ABCA9: variants seen among roughly 807,000 people sequenced by gnomAD.
The protein encoded by ABCA9 is ATP-binding cassette sub-family A member 9.
A neutral mutation model predicts 205.3 loss-of-function variants in ABCA9; 183 were observed. The observed-to-expected ratio is 0.89, with a 90% CI of 0.79 to 1.01. The LOEUF is 1.01. Among genes scored for constraint, ABCA9 ranks in the 50% least tolerant of loss-of-function variants. ABCA9 has a pLI of 0.00. For synonymous variants in ABCA9, 651 were observed against 683.3 expected (o/e 0.95, Z 0.74); for missense variants, 1,805 against 1,912.4 (o/e 0.94, Z 1.05).
At chr17:69,071,500 G>A in the ABCA9 span, among the ~76,000 whole-genome samples, 1 of 152,186 alleles carries the variant, frequency 6.6e-6, no homozygotes, top group Non-Finnish European at 1.5e-5. Context: ...CAGAAGAGGG[G>A]CCTGACTGTT....
chr17:69,046,875 CTA>C (rs71144650), intron 3 of ABCA9, among the ~76,000 whole-genome samples: 9,673 of 126,304 alleles, frequency 0.077, 328 homozygotes, highest in East Asian at 0.11. Flanking sequence ...CGATTTTATA[CTA>C]TATATATATA....
rs1328052118 is a variant in ABCA9 at position 69,027,633 on chromosome 17, C to T, written c.1791+7G>A. The T allele has an allele frequency of 8.7e-6, 14 of 1,612,368 alleles. No individual in the cohort carries two copies. Among genetic ancestry groups the T allele is most frequent in the Non-Finnish European group, 1.1e-5 (13 of 1,179,540 alleles). On this transcript the variant is annotated splice_region_variant and intron_variant, in intron 13 of 38. Transcript: ENST00000340001. ...ATGGCTATGTGACATCTAATATGCT[C>T]ACATACCTCTTTCTCCACTTCATGT...
intron 32 of ABCA9, 87 bp from the exon 33 acceptor site, chr17:68,985,215 G>C: frequency 6.4e-7 from 1 of 1,570,586 alleles, no homozygotes; most frequent in East Asian, 2.2e-5. Flanking sequence ...CACGACGGTG[G>C]GGGAGGTGTT....
At chr17:69,049,631 G>T (rs959903651) in intron 2 of ABCA9, 141 bp from the exon 3 acceptor site, 5 of 697,326 alleles carry the variant, frequency 7.2e-6, no homozygotes, top group Non-Finnish European at 1.1e-5. Context: ...TAAATATCCT[G>T]ATTTTCTTTG....
chr17:69,057,055 T>C (rs550202177), intron 1 of ABCA9, among the ~76,000 whole-genome samples: 14 of 152,344 alleles, frequency 9.2e-5, no homozygotes, highest in Non-Finnish European at 5.9e-5. Context: ...TGGTGTATTA[T>C]AGACAAACTT....
At chr17:69,016,445 A>T in intron 21 of ABCA9, 55 bp from the exon 22 acceptor site, 1 of 1,453,516 alleles carries the variant, frequency 6.9e-7, no homozygotes, top group Non-Finnish European at 9.2e-7. Context: ...ACAAAATTTA[A>T]TGAGTGAACA....
chr17:69,035,176 G>C, intron 8 of ABCA9, 70 bp downstream of exon 8: 1 of 1,256,814 alleles, frequency 8.0e-7, no homozygotes, highest in Non-Finnish European at 1.1e-6. Flanking sequence ...AGAGCATGTT[G>C]TGTGAATTAT....
intron 25 of ABCA9, among the ~76,000 whole-genome samples, chr17:69,005,341 T>A (rs1342673681): frequency 6.6e-6 from 1 of 152,126 alleles, no homozygotes; most frequent in East Asian, 1.9e-4. Context: ...GTGAATCTCA[T>A]TGTCAAGGGG....
chr17:68,996,850 AG>A (rs1375697503), intron 25 of ABCA9, among the ~76,000 whole-genome samples: 1 of 152,138 alleles, frequency 6.6e-6, no homozygotes, highest in Non-Finnish European at 1.5e-5. Flanking sequence ...TGACTTATAT[AG>A]TTTTCTTCCT....
chr17:69,021,798 G>A lies in ABCA9; in HGVS notation c.2345C>T (p.Thr782Ile). The change falls in exon 18 of 39, where the codon ACA becomes ATA. Residue 782 changes from threonine (T) to isoleucine (I), a missense_variant. By Grantham distance (89) the Thr-to-Ile change is moderately conservative (BLOSUM62 -1). Coordinates refer to ENST00000340001, the MANE Select transcript of ABCA9 (RefSeq NM_080283.4). The part of the protein sequence containing the change: ...QGIEDYGVSI[T>I]TLNEVFLKLE... ...TTTCAGAAACACCTCATTCAAAGTT[G>A]TTATGGAAACACCATAATCCTCAAT... 6.3e-7 allele frequency: 1 copy of A among 1,593,220 alleles called. No homozygotes were observed. The highest frequency in any genetic ancestry group is 8.6e-7 in the Non-Finnish European group (1 of 1,169,124).
intron 31 of ABCA9, among the ~76,000 whole-genome samples, chr17:68,987,578 C>A (rs545496196): frequency 6.6e-6 from 1 of 152,270 alleles, no homozygotes; most frequent in Non-Finnish European, 1.5e-5. Flanking sequence ...ACAGGAAGAT[C>A]AAACCCAAAG....
chr17:69,018,452 G>A lies in ABCA9; in HGVS notation c.2728C>T (p.Gln910Ter). 1.9e-6 allele frequency: 3 copies of A among 1,603,990 alleles called. No individual in the cohort carries two copies. The highest frequency in any genetic ancestry group is 2.5e-6 in the Non-Finnish European group (3 of 1,176,772). ...ACCAGTAAATGGGTCAGAGGATCCT[G>A]TGGTTGTTGTCCTGGTGAGAGGAAG... ...TYFLSPGQQP[Q>*]DPLTHLLVIN... The change falls in exon 20 of 39, where the codon CAG (glutamine) becomes TAG (stop). Residue 910 changes from glutamine (Q) to a stop codon, truncating the protein, a stop_gained. Coordinates refer to ENST00000340001, the MANE Select transcript of ABCA9 (RefSeq NM_080283.4). LOFTEE classifies it high-confidence loss of function.
At chr17:69,047,612 C>T (rs1443381299) in intron 3 of ABCA9, among the ~76,000 whole-genome samples, 4 of 152,016 alleles carry the variant, frequency 2.6e-5, no homozygotes, top group Non-Finnish European at 5.9e-5. Flanking sequence ...AAATTCTCTC[C>T]CCATGCTATC....
At chr17:69,031,809 C>T (rs2071159305) in intron 10 of ABCA9, among the ~76,000 whole-genome samples, 1 of 152,020 alleles carries the variant, frequency 6.6e-6, no homozygotes, top group African/African-American at 2.4e-5. Context: ...GAGAACAACT[C>T]AGGGGAGAAA....
intron 6 of ABCA9, among the ~76,000 whole-genome samples, chr17:69,037,689 A>G (rs1326444647): frequency 6.6e-6 from 1 of 152,166 alleles, no homozygotes; most frequent in Admixed American, 6.5e-5. Context: ...TTCAAAAGCT[A>G]TCAGGAGACA....
intron 16 of ABCA9, among the ~76,000 whole-genome samples, chr17:69,025,243 C>A (rs760789581): frequency 4.6e-5 from 7 of 152,078 alleles, no homozygotes; most frequent in Non-Finnish European, 8.8e-5. Flanking sequence ...TATTTCTTAG[C>A]CTTAACTGCA....
At chr17:69,058,224 A>G (rs1227443880) in intron 1 of ABCA9, among the ~76,000 whole-genome samples, 5 of 152,156 alleles carry the variant, frequency 3.3e-5, no homozygotes, top group Admixed American at 3.3e-4. Flanking sequence ...CATCAATGGT[A>G]TCCTCTTTTG....
At chr17:69,015,760 A>G (rs191363255) in intron 22 of ABCA9, among the ~76,000 whole-genome samples, 1 of 152,140 alleles carries the variant, frequency 6.6e-6, no homozygotes, top group Non-Finnish European at 1.5e-5. Context: ...TGTTTTTTGT[A>G]AATTGATGAC....
chr17:68,997,604 T>C (rs984088802), intron 25 of ABCA9, among the ~76,000 whole-genome samples: 2 of 150,836 alleles, frequency 1.3e-5, no homozygotes, highest in African/African-American at 4.8e-5. Context: ...CTTTTTTTTT[T>C]TTTTTTGTTA....
Sources: allele counts gnomAD v4.1 joint callset (sites outside exome capture counted in the v4.1 genomes callset), GRCh38; gene constraint gnomAD v4.1.1; transcripts MANE v1.5; gene names NCBI Gene and HGNC (gene_info 2026-07-23, HGNC 2026-07-21).